DPRX: variants seen among roughly 807,000 people sequenced by gnomAD.
DPRX encodes divergent paired-related homeobox.
A neutral mutation model predicts 8.4 loss-of-function variants in DPRX; 11 were observed. The observed-to-expected ratio is 1.31, with a 90% confidence interval of 0.82 to 2.17. The LOEUF (loss-of-function observed/expected upper bound fraction) is 2.17. DPRX is among the 30% of genes most tolerant of loss of function. The pLI is 0.00. For missense variants in DPRX, 211 were observed against 236.7 expected (o/e 0.89, Z 0.71); for synonymous variants, 72 against 87.0 (o/e 0.83, Z 0.96).
At chr19:53,636,674 C>T (rs1383391625) in exon 3 of DPRX, 1 of 1,614,128 alleles carries the variant, frequency 6.2e-7, no homozygotes, top group Non-Finnish European at 8.5e-7. Context: ...AACTCCACAA[C>T]CGCCAATACC....
chr19:53,631,420 G>T (rs1178394791), upstream of DPRX, among the ~76,000 whole-genome samples: 1 of 152,106 alleles, frequency 6.6e-6, no homozygotes, highest in African/African-American at 2.4e-5. Flanking sequence ...CCCCTTTAGG[G>T]TTTAAACCTG....
chr19:53,625,030 A>G, the DPRX span, among the ~76,000 whole-genome samples: 1 of 150,576 alleles, frequency 6.6e-6, no homozygotes, highest in South Asian at 2.1e-4. Context: ...TTCCCCTTAA[A>G]GGACAATAGC....
At chr19:53,601,973 G>A in the DPRX span, 6 of 454,560 alleles carry the variant, frequency 1.3e-5, no homozygotes, top group African/African-American at 4.0e-5. Flanking sequence ...CAGGAGGGTG[G>A]TGTGGGGACA....
chr19:53,601,673 A>ATGGG, the DPRX span, among the ~76,000 whole-genome samples: 1 of 151,680 alleles, frequency 6.6e-6, no homozygotes, highest in East Asian at 1.9e-4. Flanking sequence ...GTAGAACCGG[A>ATGGG]ATTTCACCAT....
At chr19:53,617,666 A>G in the DPRX span, among the ~76,000 whole-genome samples, 10 of 152,122 alleles carry the variant, frequency 6.6e-5, no homozygotes. Flanking sequence ...GATGTAGAAA[A>G]GAAGGAAGAG....
At chr19:53,604,957 G>A in the DPRX span, among the ~76,000 whole-genome samples, 3 of 151,926 alleles carry the variant, frequency 2.0e-5, no homozygotes, top group Non-Finnish European at 2.9e-5. Context: ...ATTACATCTT[G>A]TATACATGTA....
the DPRX span, among the ~76,000 whole-genome samples, chr19:53,626,416 C>G: frequency 6.6e-6 from 1 of 152,124 alleles, no homozygotes; most frequent in African/African-American, 2.4e-5. Flanking sequence ...TTTTAATTAG[C>G]TGTGCATGGT....
the DPRX span, among the ~76,000 whole-genome samples, chr19:53,623,538 T>C: frequency 4.1e-3 from 621 of 152,014 alleles, 2 homozygotes; most frequent in African/African-American, 0.014. Flanking sequence ...CTTGGGAGGC[T>C]GAGGAAGGAG....
At chr19:53,617,101 A>G in the DPRX span, 5 of 1,271,196 alleles carry the variant, frequency 3.9e-6, no homozygotes, top group Non-Finnish European at 5.8e-6. Flanking sequence ...TGGGAGGTTT[A>G]GGTTTCATAA....
the DPRX span, among the ~76,000 whole-genome samples, chr19:53,609,466 CAAAAAAAAAAAAAAA>C: frequency 1.8e-5 from 1 of 55,486 alleles, no homozygotes; most frequent in African/African-American, 7.4e-5. Context: ...GACTCGGTCT[CAAAAAAAAAAAAAAA>C]AAAAAAAAAA....
intron 2 of DPRX, among the ~76,000 whole-genome samples, chr19:53,635,676 T>C (rs1465501477): frequency 6.6e-6 from 1 of 152,228 alleles, no homozygotes; most frequent in African/African-American, 2.4e-5. Flanking sequence ...CCACTGTGCC[T>C]GGCCAGTAGT....
intron 1 of DPRX, among the ~76,000 whole-genome samples, chr19:53,633,728 T>C (rs1351461457): frequency 6.6e-6 from 1 of 152,126 alleles, no homozygotes; most frequent in Non-Finnish European, 1.5e-5. Flanking sequence ...CAGAATGGTC[T>C]TGATCTCTTG....
At chr19:53,620,140 C>T in the DPRX span, among the ~76,000 whole-genome samples, 47 of 151,854 alleles carry the variant, frequency 3.1e-4, no homozygotes, top group African/African-American at 1.1e-3. Context: ...CGTGATCTCG[C>T]CTCACTGCAA....
chr19:53,616,070 T>C, the DPRX span, among the ~76,000 whole-genome samples: 1 of 151,880 alleles, frequency 6.6e-6, no homozygotes, highest in East Asian at 1.9e-4. Context: ...CTGACCAACA[T>C]GGAGAAACCC....
the DPRX span, among the ~76,000 whole-genome samples, chr19:53,611,350 A>G: frequency 6.6e-6 from 1 of 151,918 alleles, no homozygotes; most frequent in Non-Finnish European, 1.5e-5. Context: ...CTCCCACTTG[A>G]GCCTCCTGAG....
At chr19:53,616,927 T>C in the DPRX span, 4 of 1,344,214 alleles carry the variant, frequency 3.0e-6, no homozygotes, top group Non-Finnish European at 4.3e-6. Flanking sequence ...GGTGTCTTAC[T>C]TCCTCATCAC....
chr19:53,622,252 C>T, the DPRX span, among the ~76,000 whole-genome samples: 3 of 152,042 alleles, frequency 2.0e-5, no homozygotes, highest in African/African-American at 7.2e-5. Context: ...CATACTTGTT[C>T]TTTCTTGATG....
At chr19:53,634,446 T>G in intron 1 of DPRX, 85 bp from the exon 2 acceptor site, 1 of 1,503,194 alleles carries the variant, frequency 6.7e-7, no homozygotes, top group East Asian at 2.3e-5. Flanking sequence ...ACGTTGTACC[T>G]CAGTGGAAAG....
At chr19:53,603,311 A>G in the DPRX span, 1 of 455,052 alleles carries the variant, frequency 2.2e-6, no homozygotes, top group African/African-American at 2.0e-5. Context: ...GCCGCATGCT[A>G]TCAGGTTCAA....
Sources: allele counts gnomAD v4.1 joint callset (sites outside exome capture counted in the v4.1 genomes callset), GRCh38; gene constraint gnomAD v4.1.1; transcripts MANE v1.5; gene names NCBI Gene and HGNC (gene_info 2026-07-23, HGNC 2026-07-21).